MACROD2: variants seen among roughly 807,000 people sequenced by gnomAD.
MACROD2 encodes mono-ADP ribosylhydrolase 2, also known as ADP-ribose glycohydrolase MACROD2.
A neutral mutation model predicts 70.4 loss-of-function variants in MACROD2; 36 were observed. The observed-to-expected ratio is 0.51, with a 90% CI of 0.39 to 0.68. MACROD2 has a LOEUF of 0.68. Among genes scored for constraint, MACROD2 ranks in the 30% least tolerant of loss-of-function variants. The pLI is 0.00. For missense variants in MACROD2, 496 were observed against 538.4 expected (o/e 0.92, Z 0.78); for synonymous variants, 172 against 178.8 (o/e 0.96, Z 0.30).
At chr20:15,217,541 T>C (rs1244985236) in intron 5 of MACROD2, among the ~76,000 whole-genome samples, 1 of 152,214 alleles carries the variant, frequency 6.6e-6, no homozygotes, top group Non-Finnish European at 1.5e-5. Context: ...TTGATCTTTT[T>C]TTTCTGATAT....
chr20:14,674,541 G>C (rs769984413), intron 4 of MACROD2, among the ~76,000 whole-genome samples: 48 of 152,162 alleles, frequency 3.2e-4, no homozygotes, highest in Non-Finnish European at 4.9e-4. Flanking sequence ...AGAAAATCAA[G>C]AAAAAGAGAT....
intron 8 of MACROD2, among the ~76,000 whole-genome samples, chr20:15,800,676 G>A (rs950603475): frequency 6.6e-5 from 10 of 152,190 alleles, no homozygotes; most frequent in East Asian, 5.8e-4. Context: ...CCACCACCCC[G>A]TCTGGGAGGT....
intron 8 of MACROD2, among the ~76,000 whole-genome samples, chr20:15,542,185 C>T (rs1472030147): frequency 6.6e-6 from 1 of 152,208 alleles, no homozygotes; most frequent in Non-Finnish European, 1.5e-5. Context: ...AGATCGACAT[C>T]TTCATATCCC....
rs531753877 is a variant in MACROD2 at position 15,276,070 on chromosome 20, G to A, written c.540+46009G>A. Among the ~76,000 whole-genome samples, 4 of 152,234 alleles carry A rather than the reference G, an allele frequency of 2.6e-5. No individual in the cohort carries two copies. The South Asian group carries it at 8.3e-4, about 32-fold the overall frequency. On this transcript the variant is annotated intron_variant, in intron 6 of 17. Coordinates refer to ENST00000684519, the MANE Select transcript of MACROD2 (RefSeq NM_001351661.2). ...GGGTGTTACAAAACTTTTCTTAATA[G>A]AATATCATATATGTGACGTAAAAAG...
At position 15,805,991 on chromosome 20, in the gene MACROD2, C is replaced by T. The variant is rs114256595; in HGVS notation, c.646-56754C>T. On this transcript the variant is annotated intron_variant, in intron 8 of 17. Coordinates refer to ENST00000684519, the MANE Select transcript of MACROD2 (RefSeq NM_001351661.2). The stretch of plus-strand genomic sequence containing the variant: ...TATTGGTCTTGAGAATTTCCTGAAG[C>T]AACCTTACAGTTCATCAGAATAGGG... Among the ~76,000 whole-genome samples, 714 of 152,286 alleles carry T rather than the reference C, an allele frequency of 4.7e-3. 6 individuals carry two copies. Among genetic ancestry groups the T allele is most frequent in the East Asian group, 0.015 (76 of 5,170 alleles).
intron 3 of MACROD2, among the ~76,000 whole-genome samples, chr20:14,115,712 G>A (rs1007180395): frequency 5.9e-5 from 9 of 152,174 alleles, no homozygotes; most frequent in Admixed American, 3.9e-4. Flanking sequence ...GGGACTTGAA[G>A]AGTGAAATTG....
At chr20:15,675,348 A>G (rs911544872) in intron 8 of MACROD2, among the ~76,000 whole-genome samples, 32 of 152,104 alleles carry the variant, frequency 2.1e-4, no homozygotes, top group African/African-American at 7.2e-4. Flanking sequence ...CTCAGTACTC[A>G]CCCTCCCTAC....
chr20:15,200,883 C>G (rs1448678326), intron 5 of MACROD2, among the ~76,000 whole-genome samples: 3 of 152,184 alleles, frequency 2.0e-5, no homozygotes, highest in Non-Finnish European at 4.4e-5. Context: ...GTTGCTAGAC[C>G]ATGGACCACA....
chr20:14,296,484 G>A lies in MACROD2; in HGVS notation c.272-196995G>A, dbSNP rs534969260. 3.9e-4 allele frequency among the ~76,000 whole-genome samples: 59 copies of A among 152,014 alleles called. No individual in the cohort carries two copies. The South Asian group carries it at 0.011, about 29-fold the overall frequency. ...ACAGCAGTGAAAATGAAGAAACTAC[G>A]TGTATACATAACTTATGTGAATCAC... On this transcript the variant is annotated intron_variant, in intron 3 of 17. Transcript: ENST00000684519.
At chr20:15,560,762 C>CAAAAAAAAAAAAAAAAAAAAAAAAA (rs71190190) in intron 8 of MACROD2, among the ~76,000 whole-genome samples, 4 of 22,084 alleles carry the variant, frequency 1.8e-4, no homozygotes, top group South Asian at 1.8e-3. Context: ...AACAAAGTCT[C>CAAAAAAAAAAAAAAAAAAAAAAAAA]AAAAAAAAAA....
chr20:14,976,197 A>C (rs532515590), intron 5 of MACROD2, among the ~76,000 whole-genome samples: 19 of 152,162 alleles, frequency 1.2e-4, no homozygotes, highest in Non-Finnish European at 2.6e-4. Flanking sequence ...CACAGATTTC[A>C]TGCTTTAAAA....
intron 8 of MACROD2, among the ~76,000 whole-genome samples, chr20:15,778,402 C>T (rs1443693249): frequency 6.6e-6 from 1 of 151,966 alleles, no homozygotes; most frequent in Non-Finnish European, 1.5e-5. Context: ...ACTCTGAGCT[C>T]TATTACTCTT....
At chr20:15,877,689 C>T (rs2064695281) in intron 9 of MACROD2, among the ~76,000 whole-genome samples, 1 of 152,100 alleles carries the variant, frequency 6.6e-6, no homozygotes, top group Non-Finnish European at 1.5e-5. Flanking sequence ...AAGCCCTAAA[C>T]AAAGCTTTAT....
intron 8 of MACROD2, among the ~76,000 whole-genome samples, chr20:15,795,442 A>C (rs1225387016): frequency 2.0e-5 from 3 of 152,024 alleles, no homozygotes; most frequent in Non-Finnish European, 4.4e-5. Flanking sequence ...AGAATGCGTC[A>C]CACTCAGAGC....
intron 3 of MACROD2, among the ~76,000 whole-genome samples, chr20:14,458,327 A>G (rs1568620874): frequency 1.3e-5 from 2 of 152,184 alleles, no homozygotes; most frequent in Non-Finnish European, 1.5e-5. Flanking sequence ...TTAATTTTAT[A>G]CAAGTAAGAC....
intron 3 of MACROD2, among the ~76,000 whole-genome samples, chr20:14,184,311 G>C (rs1266615975): frequency 6.6e-6 from 1 of 151,928 alleles, no homozygotes; most frequent in Non-Finnish European, 1.5e-5. Context: ...GCTTGTTTTT[G>C]TCAGGGTTGA....
intron 4 of MACROD2, among the ~76,000 whole-genome samples, chr20:14,549,388 T>C (rs1978504136): frequency 6.6e-6 from 1 of 152,228 alleles, no homozygotes; most frequent in Non-Finnish European, 1.5e-5. Flanking sequence ...CTAGTTTTCT[T>C]TTAAATTAAA....
At chr20:14,479,091 C>T (rs1405200173) in intron 3 of MACROD2, among the ~76,000 whole-genome samples, 2 of 152,090 alleles carry the variant, frequency 1.3e-5, no homozygotes, top group African/African-American at 4.8e-5. Context: ...GGAGGGGATT[C>T]TCAGGCCTGG....
At chr20:14,435,628 A>T (rs2084047798) in intron 3 of MACROD2, among the ~76,000 whole-genome samples, 1 of 152,146 alleles carries the variant, frequency 6.6e-6, no homozygotes, top group South Asian at 2.1e-4. Context: ...ACTCTCATGG[A>T]GTTACATTCT....
Sources: gnomAD v4.1 joint callset for allele counts (sites outside exome capture counted in the v4.1 genomes callset) on GRCh38, gnomAD v4.1.1 for gene constraint, MANE v1.5 for transcripts, NCBI Gene and HGNC (gene_info 2026-07-23, HGNC 2026-07-21) for gene names.